Variants in DNMBP observed in about 807,000 individuals in gnomAD.
DNMBP encodes the protein dynamin-binding protein.
A neutral mutation model predicts 150.0 loss-of-function variants in DNMBP; 87 were observed. The ratio of observed to expected loss-of-function variants is 0.58; its 90% CI spans 0.49 to 0.69. The LOEUF (loss-of-function observed/expected upper bound fraction) is 0.69. DNMBP is among the 30% of genes least tolerant of loss of function. DNMBP has a pLI of 0.00. For synonymous variants in DNMBP, 711 were observed against 750.4 expected (o/e 0.95, Z 0.86); for missense variants, 1,774 against 1,949.0 (o/e 0.91, Z 1.69).
Position 99,886,643 on chromosome 10 carries a change from G to A in DNMBP, c.3286-11C>T, listed in dbSNP as rs375973639. On this transcript the variant is annotated splice_polypyrimidine_tract_variant and intron_variant, in intron 12 of 16. Transcript: ENST00000324109. ...CTCTGTCCTCTCCTTCTGTAGGGAC[G>A]AGAAAGGCACATTGCTCAGCTGGAC... The A allele has an allele frequency of 1.1e-5, 18 of 1,604,410 alleles. No individual in the cohort carries two copies. Among genetic ancestry groups the A allele is most frequent in the African/African-American group, 5.4e-5 (4 of 74,460 alleles).
chr10:99,969,927 C>T (rs947440559), intron 2 of DNMBP, among the ~76,000 whole-genome samples: 16 of 152,152 alleles, frequency 1.1e-4, no homozygotes, highest in African/African-American at 3.9e-4. Flanking sequence ...AGTGAGTTTT[C>T]TAAAATTCAA....
rs138639011 is a variant in DNMBP, at chr10:99,955,995, T to G, written c.1479A>C (p.Arg493Ser). Reference sequence around the variant, plus strand: ...GGTTGTGGAGCTGAGGACTTGATTGTCTGGGTTTGACTACCCTTGAAGCTG... The same window carrying G: ...GGTTGTGGAGCTGAGGACTTGATTGGCTGGGTTTGACTACCCTTGAAGCTG... ...SVSASRVVKP[R>S]QSSPQLHNLA... Residue 493 changes from arginine (R) to serine (S), a missense_variant, in exon 4 of 17, where the codon AGA becomes AGC. Arg to Ser is a moderately radical substitution (Grantham distance 110). This residue lies in a region of DNMBP where 1,430 missense variants were observed against 1,492.5 expected (regional missense o/e 0.96). Coordinates refer to ENST00000324109, the MANE Select transcript of DNMBP (RefSeq NM_015221.4). 2.5e-5 allele frequency: 40 copies of G among 1,614,210 alleles called. No individual in the cohort carries two copies. The African/African-American group carries it at 4.8e-4, about 19-fold the overall frequency.
chr10:99,876,252 C>T lies in DNMBP; in HGVS notation c.*899G>A, dbSNP rs1449397291. On this transcript the variant is annotated 3_prime_UTR_variant, in exon 17 of 17. Transcript: ENST00000324109. Reference sequence around the variant, plus strand: ...AGGGCAGGGGGGCCACCAGACATCACAGACTGTGTAAAGACCATCAGAAAG... The same window carrying T: ...AGGGCAGGGGGGCCACCAGACATCATAGACTGTGTAAAGACCATCAGAAAG... The T allele has an allele frequency of 6.6e-6, 1 of 152,152 alleles. No homozygotes were observed. The highest frequency in any genetic ancestry group is 2.4e-5 in the African/African-American group (1 of 41,432). The allele number at this position is 152,152 out of a possible 1,614,324, so 9.4% of individuals were successfully genotyped here. A position where few individuals can be genotyped will look rare whatever the true frequency, so the allele number is the denominator to read the frequency against.
chr10:99,878,347 CA>C (rs1447942194), intron 16 of DNMBP, among the ~76,000 whole-genome samples: 4 of 152,202 alleles, frequency 2.6e-5, no homozygotes, highest in Non-Finnish European at 4.4e-5. Flanking sequence ...ACACGTGCCC[CA>C]AGGGCTGGAG....
intron 1 of DNMBP, among the ~76,000 whole-genome samples, chr10:99,995,714 TAC>T (rs2040944205): frequency 6.6e-6 from 1 of 152,074 alleles, no homozygotes; most frequent in Non-Finnish European, 1.5e-5. Context: ...TAAAAGTGAA[TAC>T]ACAGAGAGAC....
intron 3 of DNMBP, among the ~76,000 whole-genome samples, chr10:99,960,147 C>T (rs575832767): frequency 6.6e-6 from 1 of 152,110 alleles, no homozygotes; most frequent in Admixed American, 6.5e-5. Flanking sequence ...GTATATGTTT[C>T]TGGAAAAATG....
At chr10:99,914,104 T>C (rs897290609) in intron 4 of DNMBP, 48 of 1,369,782 alleles carry the variant, frequency 3.5e-5, no homozygotes, top group Middle Eastern at 1.9e-4. Flanking sequence ...CATTTACATA[T>C]GAATCGCGCA....
In DNMBP at chr10:99,895,057, A is replaced by G; in HGVS notation, c.3052-7T>C. 2 of 1,567,068 alleles carry G rather than the reference A, an allele frequency of 1.3e-6. No homozygotes were observed. The highest frequency in any genetic ancestry group is 1.8e-6 in the Non-Finnish European group (2 of 1,141,184). On this transcript the variant is annotated splice_region_variant and splice_polypyrimidine_tract_variant and intron_variant, in intron 10 of 16. Transcript: ENST00000324109. ...CAAATACTTCATCTTTTATCTGTTC[A>G]AAAATAAACAAGTGCTGTTAGCAAA...
chr10:99,885,467 C>T (rs1489927969), intron 14 of DNMBP, among the ~76,000 whole-genome samples: 2 of 152,058 alleles, frequency 1.3e-5, no homozygotes, highest in Admixed American at 1.3e-4. Flanking sequence ...GCCAAGATCA[C>T]ACCACTGCAC....
chr10:99,972,902 C>T (rs2040693406), intron 1 of DNMBP, among the ~76,000 whole-genome samples: 1 of 152,190 alleles, frequency 6.6e-6, no homozygotes, highest in African/African-American at 2.4e-5. Flanking sequence ...AAGGCTCAGC[C>T]TCCCAAGTAG....
intron 1 of DNMBP, among the ~76,000 whole-genome samples, chr10:99,977,001 T>C (rs1185782304): frequency 6.6e-6 from 1 of 152,214 alleles, no homozygotes; most frequent in African/African-American, 2.4e-5. Context: ...CTTAGAGAAC[T>C]ACCCCATTAC....
intron 4 of DNMBP, among the ~76,000 whole-genome samples, chr10:99,918,398 C>T (rs1192875565): frequency 6.6e-6 from 1 of 152,040 alleles, no homozygotes; most frequent in Non-Finnish European, 1.5e-5. Context: ...GGCTTTTGCT[C>T]TGTAATGTCG....
In DNMBP at chr10:99,898,963, C is replaced by A. The variant is rs778539235; in HGVS notation, c.2703-203G>T. ...ATCCCAGCACTTTGGGAGGCCGAGG[C>A]GGGTGGATCACCTGAGGTCAGGAGT... is the stretch of plus-strand genomic sequence containing the variant. On this transcript the variant is annotated intron_variant, in intron 7 of 16. Transcript: ENST00000324109. Among the ~76,000 whole-genome samples, 125 of 151,946 alleles carry A rather than the reference C, an allele frequency of 8.2e-4. 1 individual carries two copies. Among genetic ancestry groups the A allele is most frequent in the East Asian group, 1.9e-4 (1 of 5,152 alleles).
At chr10:99,951,525 G>A (rs1403079670) in intron 4 of DNMBP, among the ~76,000 whole-genome samples, 1 of 152,204 alleles carries the variant, frequency 6.6e-6, no homozygotes, top group Non-Finnish European at 1.5e-5. Flanking sequence ...GAGCCACAGG[G>A]GCAGAGCCGC....
Position 99,888,935 on chromosome 10 carries a change from C to G in DNMBP, c.3175G>C (p.Val1059Leu). Reference protein sequence around the residue: ...QHIRESACVKVVAAVSMWDVC... With the variant: ...QHIRESACVKLVAAVSMWDVC... Reference sequence around the variant, plus strand: ...TCCCACATGCTCACAGCAGCCACCACTTTCACACATGCGGACTCCTGGAGC... The same window carrying G: ...TCCCACATGCTCACAGCAGCCACCAGTTTCACACATGCGGACTCCTGGAGC... Residue 1059 changes from valine to leucine, a missense_variant, in exon 12 of 17, where the codon GTG becomes CTG. By Grantham distance (32) the Val-to-Leu change is conservative. Coordinates refer to ENST00000324109, the MANE Select transcript of DNMBP (RefSeq NM_015221.4). 6.2e-7 allele frequency: 1 copy of G among 1,614,160 alleles called. No individual in the cohort carries two copies. Among genetic ancestry groups the G allele is most frequent in the Middle Eastern group, 1.6e-4 (1 of 6,062 alleles).
intron 3 of DNMBP, among the ~76,000 whole-genome samples, chr10:99,962,727 T>G (rs1322322074): frequency 6.6e-6 from 1 of 152,188 alleles, no homozygotes; most frequent in African/African-American, 2.4e-5. Context: ...GGTGACTGAC[T>G]GCTGTTCAGA....
chr10:99,915,612 G>GTCCCA (rs2039957363), intron 4 of DNMBP, among the ~76,000 whole-genome samples: 1 of 152,170 alleles, frequency 6.6e-6, no homozygotes, highest in Non-Finnish European at 1.5e-5. Context: ...CTACTCCGAA[G>GTCCCA]GCTGAAGTGG....
At chr10:99,924,102 T>C (rs369835200) in intron 4 of DNMBP, among the ~76,000 whole-genome samples, 308 of 151,842 alleles carry the variant, frequency 2.0e-3, no homozygotes, top group African/African-American at 7.0e-3. Flanking sequence ...TGCAGTGAGC[T>C]GAGATTGTGC....
chr10:99,896,064 T>G (rs907690934), intron 10 of DNMBP, among the ~76,000 whole-genome samples: 1 of 152,182 alleles, frequency 6.6e-6, no homozygotes, highest in African/African-American at 2.4e-5. Flanking sequence ...TGGTGAAAAC[T>G]ACCATAATTA....
Sources: allele counts gnomAD v4.1 joint callset (sites outside exome capture counted in the v4.1 genomes callset), GRCh38; gene constraint gnomAD v4.1.1; regional missense constraint gnomAD v4.1.1; transcripts MANE v1.5; gene names NCBI Gene and HGNC (gene_info 2026-07-23, HGNC 2026-07-21).